SLC7A9: variants seen among roughly 807,000 people sequenced by gnomAD.
SLC7A9 encodes the protein B(0,+)-type amino acid transporter 1.
Under a neutral mutation model 54.1 loss-of-function variants are expected in SLC7A9, and 38 were observed. The ratio of observed to expected loss-of-function variants is 0.70; its 90% CI spans 0.54 to 0.92. The LOEUF (loss-of-function observed/expected upper bound fraction) is 0.92. SLC7A9 is among the 40% of genes least tolerant of loss of function. The probability of loss-of-function intolerance (pLI) is 0.00; values close to 1 mark genes in which losing one functional copy is unlikely to be tolerated. For synonymous variants in SLC7A9, 264 were observed against 258.9 expected, an observed-to-expected ratio of 1.02 and a Z score of -0.19; for missense variants, 537 against 636.1, an observed-to-expected ratio of 0.84 and a Z score of 1.68.
intron 11 of SLC7A9, among the ~76,000 whole-genome samples, chr19:32,841,374 T>C (rs906291479): frequency 1.3e-4 from 20 of 151,988 alleles, no homozygotes. Flanking sequence ...AAGAATAGAC[T>C]CTGAGTGGTT....
At position 32,846,061 on chromosome 19, in the gene SLC7A9, A is replaced by G. The variant is rs1228855014; in HGVS notation, c.978-2110T>C. ...ATGGAGCCAAGATAGCCGAATAGGA[A>G]CAGCTCCGGTCTACAGCTCCCAGCG... On this transcript the variant is annotated intron_variant, in intron 9 of 12. Transcript: ENST00000023064. 2.0e-5 allele frequency among the ~76,000 whole-genome samples: 3 copies of G among 152,350 alleles called. No homozygotes were observed. The East Asian group carries it at 5.8e-4, about 29-fold the overall frequency.
Position 32,864,703 on chromosome 19 carries a change from G to A in SLC7A9, c.161C>T (p.Ser54Phe), listed in dbSNP as rs765541959. 4 of 1,614,102 alleles carry A rather than the reference G, an allele frequency of 2.5e-6. No homozygotes were observed. The African/African-American group carries it at 5.3e-5, about 22-fold the overall frequency. The part of the protein sequence containing the change: ...IGSGIFVSPK[S>F]VLSNTEAVGP... ...CACAGCTTCCGTGTTGCTGAGCACA[G>A]ACTTGGGGGAAACGAAGATCCCAGA... The change falls in exon 3 of 13, where the codon TCT becomes TTT. Residue 54 changes from serine to phenylalanine, a missense_variant. Ser to Phe is a radical substitution (Grantham distance 155). Coordinates refer to ENST00000023064, the MANE Select transcript of SLC7A9 (RefSeq NM_014270.5).
At chr19:32,864,608 C>T (rs775288913) in intron 3 of SLC7A9, 21 bp downstream of exon 3, 6 of 1,611,854 alleles carry the variant, frequency 3.7e-6, no homozygotes, top group Admixed American at 1.7e-5. Flanking sequence ...GGGGCTGCAA[C>T]AGGCTCCCAA....
rs201622105 is a variant in SLC7A9, at chr19:32,864,813, G to A, written c.88-37C>T. The stretch of plus-strand genomic sequence containing the variant: ...GGAAGGAAGAGGGCGTTAGTGCCAC[G>A]CCCGGACCCAGCCCAGAAGGCCAGG... On this transcript the variant is annotated intron_variant, in intron 2 of 12. Transcript: ENST00000023064. 244 of 1,613,552 alleles carry A rather than the reference G, an allele frequency of 1.5e-4. 1 individual carries two copies. In the East Asian group the frequency reaches 2.0e-3, roughly 13 times the overall value.
intron 9 of SLC7A9, among the ~76,000 whole-genome samples, chr19:32,848,392 C>T (rs1406641044): frequency 1.3e-5 from 2 of 152,010 alleles, no homozygotes; most frequent in African/African-American, 4.8e-5. Context: ...CAATCCTAGT[C>T]TCTGATAAAA....
chr19:32,833,244 C>A lies in SLC7A9; in HGVS notation c.1304G>T (p.Trp435Leu), dbSNP rs753324280. 6.2e-7 allele frequency: 1 copy of A among 1,614,146 alleles called. No individual in the cohort carries two copies. Among genetic ancestry groups the A allele is most frequent in the Non-Finnish European group, 8.5e-7 (1 of 1,180,008 alleles). The change falls in exon 12 of 13, where the codon TGG becomes TTG. Residue 435 changes from tryptophan to leucine, a missense_variant. Physicochemically the swap from Trp to Leu is moderately conservative, Grantham distance 61 (BLOSUM62 -2). Transcript: ENST00000023064. ...VLAPIISKPTWEYLYCVLFIL... is the reference protein window; with the variant it reads ...VLAPIISKPTLEYLYCVLFIL... ...AAACAGCACACAGTAGAGGTACTCC[C>A]AGGTGGGCTTGCTGATGATTGGAGC...
chr19:32,861,817 A>C (rs924149026), intron 6 of SLC7A9, among the ~76,000 whole-genome samples: 3 of 152,128 alleles, frequency 2.0e-5, no homozygotes, highest in African/African-American at 7.2e-5. Context: ...CCTGTCTTAA[A>C]AAAACAAAAC....
chr19:32,846,758 AGG>A (rs1180913861), intron 9 of SLC7A9, among the ~76,000 whole-genome samples: 1 of 152,170 alleles, frequency 6.6e-6, no homozygotes, highest in Admixed American at 6.5e-5. Context: ...CCTAACTGGG[AGG>A]CAACCCCCCA....
At chr19:32,840,516 T>A (rs1390385164) in intron 11 of SLC7A9, among the ~76,000 whole-genome samples, 1 of 152,090 alleles carries the variant, frequency 6.6e-6, no homozygotes, top group South Asian at 2.1e-4. Flanking sequence ...AATGATTTTT[T>A]TCCCTAAAAT....
intron 6 of SLC7A9, 37 bp from the exon 7 acceptor site, chr19:32,860,687 A>G (rs763899265): frequency 1.3e-5 from 21 of 1,613,620 alleles, no homozygotes; most frequent in Admixed American, 8.3e-5. Flanking sequence ...ACACACCTTG[A>G]CTTTCTTTTT....
In SLC7A9 at chr19:32,864,236, G is replaced by C. The variant is rs572700500; in HGVS notation, c.338C>G (p.Ser113Cys). 2 of 1,614,230 alleles carry C rather than the reference G, an allele frequency of 1.2e-6. No homozygotes were observed. Among genetic ancestry groups the C allele is most frequent in the East Asian group, 4.5e-5 (2 of 44,886 alleles). The change falls in exon 4 of 13, where the codon TCC becomes TGC. Residue 113 changes from serine (S) to cysteine (C), a missense_variant. Transcript: ENST00000023064. ...AYGPIPAYLF[S>C]WASLIVIKPT... The stretch of plus-strand genomic sequence containing the variant: ...CTTAATGACGATCAGGCTGGCCCAG[G>C]AGAAGAGGTAGGCGGGGATGGGCCC...
chr19:32,860,792 T>C, intron 6 of SLC7A9, 142 bp from the exon 7 acceptor site: 5 of 1,147,794 alleles, frequency 4.4e-6, no homozygotes, highest in Non-Finnish European at 3.8e-6. Context: ...TGAATTTTTT[T>C]CCAGGTGAAT....
chr19:32,859,833 G>A lies in SLC7A9; in HGVS notation c.873+8C>T, dbSNP rs1372089119. On this transcript the variant is annotated splice_region_variant and intron_variant, in intron 8 of 12. Coordinates refer to ENST00000023064, the MANE Select transcript of SLC7A9 (RefSeq NM_014270.5). ...AGCCCCCGCCAGCAGCGATGCCCGG[G>A]CACTCACCACAGCCACCGCCTGGGA... is the stretch of plus-strand genomic sequence containing the variant. 1 of 1,610,472 alleles carries A rather than the reference G, an allele frequency of 6.2e-7. No homozygotes were observed. The highest frequency in any genetic ancestry group is 1.1e-5 in the South Asian group (1 of 91,014).
chr19:32,844,729 G>A (rs1968230610), intron 9 of SLC7A9, among the ~76,000 whole-genome samples: 2 of 151,548 alleles, frequency 1.3e-5, no homozygotes, highest in Non-Finnish European at 2.9e-5. Flanking sequence ...TACTCAGGGG[G>A]CTGAGGCAGG....
At chr19:32,864,856 A>G in intron 2 of SLC7A9, 80 bp from the exon 3 acceptor site, 3 of 1,589,844 alleles carry the variant, frequency 1.9e-6, no homozygotes, top group Non-Finnish European at 2.6e-6. Context: ...CTCCCTCGGT[A>G]CGGCCAGGGC....
In SLC7A9 at chr19:32,845,952, C is replaced by T. The variant is rs557320504; in HGVS notation, c.978-2001G>A. 3.1e-4 allele frequency among the ~76,000 whole-genome samples: 47 copies of T among 152,218 alleles called. 1 individual carries two copies. The South Asian group carries it at 3.3e-3, about 11-fold the overall frequency. ...CTAGGAGGCAGAAGTTGCAGTGAGC[C>T]GAGATTGCACCACTGTACTCTAGCC... On this transcript the variant is annotated intron_variant, in intron 9 of 12. Transcript: ENST00000023064.
intron 11 of SLC7A9, among the ~76,000 whole-genome samples, chr19:32,836,341 G>A (rs886421439): frequency 7.2e-5 from 11 of 152,174 alleles, no homozygotes; most frequent in African/African-American, 1.4e-4. Flanking sequence ...GAGCCACTGC[G>A]CCCGGCCAGA....
intron 9 of SLC7A9, among the ~76,000 whole-genome samples, chr19:32,844,771 C>A (rs938069386): frequency 3.0e-5 from 4 of 134,186 alleles, no homozygotes; most frequent in Admixed American, 8.4e-5. Context: ...GCAGAGGTTG[C>A]GGTGAGCTGA....
chr19:32,846,521 AG>A (rs1313819860), intron 9 of SLC7A9, among the ~76,000 whole-genome samples: 1 of 152,238 alleles, frequency 6.6e-6, no homozygotes, highest in African/African-American at 2.4e-5. Flanking sequence ...GCAGCCAGGA[AG>A]CTCGAACTGG....
Sources: gnomAD v4.1 joint callset for allele counts (sites outside exome capture counted in the v4.1 genomes callset) on GRCh38, gnomAD v4.1.1 for gene constraint, MANE v1.5 for transcripts, NCBI Gene and HGNC (gene_info 2026-07-23, HGNC 2026-07-21) for gene names.